Variants in COG5 observed in about 807,000 individuals in gnomAD.
The protein encoded by COG5 is component of oligomeric golgi complex 5.
In COG5, 86 loss-of-function variants were observed where a neutral mutation model predicts 110.4. The ratio of observed to expected loss-of-function variants is 0.78; its 90% CI spans 0.65 to 0.93. The LOEUF (loss-of-function observed/expected upper bound fraction) is 0.93, where lower values mean the gene tolerates loss of function less well. Among genes scored for constraint, COG5 ranks in the 40% least tolerant of loss-of-function variants. COG5 has a pLI of 0.00. For missense variants in COG5, 1,077 were observed against 987.0 expected (o/e 1.09, Z -1.22); for synonymous variants, 360 against 334.6 (o/e 1.08, Z -0.83).
intron 6 of COG5, among the ~76,000 whole-genome samples, chr7:107,425,994 A>C (rs1167343651): frequency 6.6e-6 from 1 of 152,178 alleles, no homozygotes; most frequent in East Asian, 1.9e-4. Context: ...ACGGGGGTAA[A>C]GTTTCCATAA....
At chr7:107,505,072 T>C (rs1242177606) in intron 6 of COG5, among the ~76,000 whole-genome samples, 6 of 152,216 alleles carry the variant, frequency 3.9e-5, no homozygotes, top group Non-Finnish European at 5.9e-5. Flanking sequence ...AAGTTCACTG[T>C]CTCCCATAGG....
intron 7 of COG5, among the ~76,000 whole-genome samples, chr7:107,405,125 A>G (rs1421892077): frequency 6.6e-6 from 1 of 152,226 alleles, no homozygotes; most frequent in African/African-American, 2.4e-5. Flanking sequence ...GGAGCTCCAG[A>G]TCATGATTCT....
At chr7:107,228,880 A>G (rs1354451092) in intron 19 of COG5, among the ~76,000 whole-genome samples, 1 of 152,164 alleles carries the variant, frequency 6.6e-6, no homozygotes, top group East Asian at 1.9e-4. Flanking sequence ...ATATTCCACC[A>G]GAAGTTTCTA....
chr7:107,411,939 T>C (rs901080444), intron 7 of COG5, among the ~76,000 whole-genome samples: 4 of 152,168 alleles, frequency 2.6e-5, no homozygotes, highest in African/African-American at 4.8e-5. Flanking sequence ...TACCTTTGAA[T>C]TTCTTCCAAT....
chr7:107,451,432 C>T (rs1187009529), intron 6 of COG5, among the ~76,000 whole-genome samples: 1 of 152,182 alleles, frequency 6.6e-6, no homozygotes, highest in Non-Finnish European at 1.5e-5. Flanking sequence ...TTCCATGTTA[C>T]AGGCGCTGAA....
chr7:107,541,553 CGT>C (rs908939495), intron 5 of COG5, among the ~76,000 whole-genome samples: 3 of 116,794 alleles, frequency 2.6e-5, no homozygotes, highest in African/African-American at 6.4e-5. Flanking sequence ...TGTATTTATG[CGT>C]GTGTGTATTT....
intron 2 of COG5, among the ~76,000 whole-genome samples, chr7:107,555,796 G>C (rs930433306): frequency 6.6e-6 from 1 of 152,078 alleles, no homozygotes; most frequent in African/African-American, 2.4e-5. Context: ...TGGATCATTT[G>C]AGGTCAGGAG....
intron 10 of COG5, among the ~76,000 whole-genome samples, chr7:107,354,162 A>T (rs1812419455): frequency 6.6e-6 from 1 of 152,230 alleles, no homozygotes; most frequent in Admixed American, 6.5e-5. Context: ...TAGTAAAGTG[A>T]GACATATGAT....
intron 17 of COG5, among the ~76,000 whole-genome samples, chr7:107,241,544 C>T (rs184306682): frequency 1.3e-5 from 2 of 151,860 alleles, no homozygotes; most frequent in South Asian, 2.1e-4. Flanking sequence ...GCTCCGCCTC[C>T]GGGGTTCACG....
intron 19 of COG5, among the ~76,000 whole-genome samples, 181 bp downstream of exon 19, chr7:107,230,434 G>C (rs1264500349): frequency 6.6e-6 from 1 of 152,188 alleles, no homozygotes; most frequent in South Asian, 2.1e-4. Flanking sequence ...TAATTTATTA[G>C]TCATTACATA....
intron 16 of COG5, among the ~76,000 whole-genome samples, chr7:107,254,853 T>C (rs1802764660): frequency 6.6e-6 from 1 of 152,152 alleles, no homozygotes; most frequent in African/African-American, 2.4e-5. Context: ...CTTCTGAAAC[T>C]GTGGGTTGTG....
At chr7:107,388,995 AAAT>A (rs1253816256) in intron 7 of COG5, among the ~76,000 whole-genome samples, 1 of 152,182 alleles carries the variant, frequency 6.6e-6, no homozygotes, top group Non-Finnish European at 1.5e-5. Flanking sequence ...CATTTACTCC[AAAT>A]AATTTGTTCC....
rs752945696 is a variant in COG5, at chr7:107,236,586, A to C, written c.1955T>G (p.Phe652Cys). 1 of 1,614,056 alleles carries C rather than the reference A, an allele frequency of 6.2e-7. No individual in the cohort carries two copies. Among genetic ancestry groups the C allele is most frequent in the Non-Finnish European group, 8.5e-7 (1 of 1,179,960 alleles). Reference sequence around the variant, plus strand: ...GTCAAAGACAAAATCCAAGCATTCAAAGTGTTTAAAATAGTCACTCATAAC... The same window carrying C: ...GTCAAAGACAAAATCCAAGCATTCACAGTGTTTAAAATAGTCACTCATAAC... ...ARVMSDYFKH[F>C]ECLDFVFDNT... The change falls in exon 18 of 22, where the codon TTT (phenylalanine) becomes TGT (cysteine). Residue 652 changes from phenylalanine to cysteine, a missense_variant. Transcript: ENST00000297135.
intron 7 of COG5, among the ~76,000 whole-genome samples, chr7:107,405,702 G>A (rs1379879208): frequency 6.6e-6 from 1 of 152,186 alleles, no homozygotes; most frequent in Non-Finnish European, 1.5e-5. Flanking sequence ...GCAATAGTCT[G>A]AATGTTTGTG....
chr7:107,559,949 G>GT (rs1010398864), intron 1 of COG5, among the ~76,000 whole-genome samples: 2 of 152,206 alleles, frequency 1.3e-5, no homozygotes, highest in African/African-American at 4.8e-5. Flanking sequence ...AAAGAGGTTT[G>GT]TAAGACATTT....
At chr7:107,341,892 A>C (rs1236697714) in intron 10 of COG5, among the ~76,000 whole-genome samples, 1 of 152,244 alleles carries the variant, frequency 6.6e-6, no homozygotes, top group East Asian at 1.9e-4. Context: ...AGGTGGATTG[A>C]AGATTTAAAT....
chr7:107,495,080 G>A (rs557210729), intron 6 of COG5, among the ~76,000 whole-genome samples: 3 of 152,278 alleles, frequency 2.0e-5, no homozygotes, highest in South Asian at 4.1e-4. Flanking sequence ...TGTAAAATGA[G>A]TGAGTCTGCT....
At chr7:107,268,587 C>G (rs1292278644) in intron 14 of COG5, among the ~76,000 whole-genome samples, 4 of 152,152 alleles carry the variant, frequency 2.6e-5, no homozygotes, top group Non-Finnish European at 4.4e-5. Flanking sequence ...CCCTCTTCCC[C>G]ACCACAGTCT....
chr7:107,561,700 G>A (rs1231469749), intron 1 of COG5, among the ~76,000 whole-genome samples: 1 of 152,218 alleles, frequency 6.6e-6, no homozygotes, highest in Non-Finnish European at 1.5e-5. Context: ...GACTCGGCCG[G>A]GCGTGGTGGC....
Sources: gnomAD v4.1 joint callset for allele counts (sites outside exome capture counted in the v4.1 genomes callset) on GRCh38, gnomAD v4.1.1 for gene constraint, MANE v1.5 for transcripts, NCBI Gene and HGNC (gene_info 2026-07-23, HGNC 2026-07-21) for gene names.